Variants in PKNOX2 observed in about 807,000 individuals in gnomAD.
PKNOX2 encodes PBX/knotted 1 homeobox 2.
A neutral mutation model predicts 53.1 loss-of-function variants in PKNOX2; 14 were observed. That is an observed-to-expected ratio of 0.26 (90% CI 0.17 to 0.41). PKNOX2 has a LOEUF of 0.41. Among genes scored for constraint, PKNOX2 ranks in the 10% least tolerant of loss-of-function variants. The pLI is 1.00. For synonymous variants in PKNOX2, 257 were observed against 242.8 expected, an observed-to-expected ratio of 1.06 and a Z score of -0.54; for missense variants, 496 against 602.8, an observed-to-expected ratio of 0.82 and a Z score of 1.85.
chr11:125,193,778 C>T (rs560460807), intron 1 of PKNOX2, among the ~76,000 whole-genome samples: 54 of 152,186 alleles, frequency 3.5e-4, no homozygotes, highest in African/African-American at 7.7e-4. Context: ...AGAGGCAGCA[C>T]GGTTGGGGGC....
At chr11:125,409,194 C>T (rs1044549505) in intron 7 of PKNOX2, among the ~76,000 whole-genome samples, 6 of 152,202 alleles carry the variant, frequency 3.9e-5, no homozygotes, top group African/African-American at 1.4e-4. Context: ...TCCTTCCTCA[C>T]AAATTCTCTC....
chr11:125,430,236 C>T, intron 12 of PKNOX2, 95 bp downstream of exon 12: 1 of 1,394,064 alleles, frequency 7.2e-7, no homozygotes, highest in Non-Finnish European at 9.7e-7. Context: ...GGGCTATCTC[C>T]TTACCTGGGC....
intron 2 of PKNOX2, among the ~76,000 whole-genome samples, chr11:125,311,295 T>C (rs1948787386): frequency 1.3e-5 from 2 of 152,266 alleles, no homozygotes; most frequent in South Asian, 4.2e-4. Flanking sequence ...TCCTTAGAAA[T>C]AGCATTAGCA....
At chr11:125,373,064 A>G (rs1288069978) in intron 5 of PKNOX2, among the ~76,000 whole-genome samples, 1 of 152,216 alleles carries the variant, frequency 6.6e-6, no homozygotes, top group African/African-American at 2.4e-5. Context: ...AGTTCCCGGC[A>G]TGATCCTGAC....
chr11:125,368,792 T>C (rs1248798305), intron 5 of PKNOX2, among the ~76,000 whole-genome samples: 6 of 152,184 alleles, frequency 3.9e-5, no homozygotes, highest in East Asian at 1.9e-4. Flanking sequence ...GGGAGGAAGA[T>C]GCTGTCACCT....
At chr11:125,272,375 T>G (rs1450240728) in intron 2 of PKNOX2, among the ~76,000 whole-genome samples, 2 of 152,226 alleles carry the variant, frequency 1.3e-5, no homozygotes, top group Admixed American at 6.5e-5. Context: ...ACATATTATC[T>G]CATTTAATGC....
rs1942010067 is a variant in PKNOX2, at chr11:125,229,451, A to G, written c.-200-5594A>G. ...AGGAATCCAGATTTCTAAATGTGAA[A>G]TTTTGCAAGGTTTAGATGTTGGCAG... On this transcript the variant is annotated intron_variant, in intron 1 of 12. Coordinates refer to ENST00000298282, the MANE Select transcript of PKNOX2 (RefSeq NM_001382323.2). Among the ~76,000 whole-genome samples, 4 of 152,242 alleles carry G rather than the reference A, an allele frequency of 2.6e-5. No individual in the cohort carries two copies. In the South Asian group the frequency reaches 8.3e-4, roughly 32 times the overall value.
At chr11:125,207,933 ATATTGATT>A (rs1939337678) in intron 1 of PKNOX2, among the ~76,000 whole-genome samples, 1 of 152,082 alleles carries the variant, frequency 6.6e-6, no homozygotes, top group Non-Finnish European at 1.5e-5. Flanking sequence ...AATTCAACAA[ATATTGATT>A]GCATCACTAC....
At position 125,389,196 on chromosome 11, in the gene PKNOX2, A is replaced by AAAACAAACAAAC. The variant is rs71462898; in HGVS notation, c.399+3486_399+3497dup. ...GGCAGCAAAGTAAGACTCCATTTCA[A>AAAACAAACAAAC]AAACAAACAAACAAACAAACAAAAA... On this transcript the variant is annotated intron_variant, in intron 6 of 12. Transcript: ENST00000298282. 3.7e-3 allele frequency among the ~76,000 whole-genome samples: 553 copies of AAAACAAACAAAC among 151,476 alleles called. 2 individuals carry two copies. The highest frequency in any genetic ancestry group is 0.012 in the African/African-American group (510 of 41,076).
intron 5 of PKNOX2, among the ~76,000 whole-genome samples, 159 bp downstream of exon 5, chr11:125,368,144 C>A (rs541063664): frequency 6.6e-6 from 1 of 152,286 alleles, no homozygotes; most frequent in South Asian, 2.1e-4. Flanking sequence ...ATCCAGAAAC[C>A]CCTCAGCTGT....
At chr11:125,256,036 C>T (rs145331208) in intron 2 of PKNOX2, among the ~76,000 whole-genome samples, 2 of 152,108 alleles carry the variant, frequency 1.3e-5, no homozygotes, top group East Asian at 1.9e-4. Flanking sequence ...TGATGCTCCT[C>T]GGCCCTGAGT....
chr11:125,334,632 T>G (rs1950335791), intron 3 of PKNOX2, among the ~76,000 whole-genome samples: 1 of 149,652 alleles, frequency 6.7e-6, no homozygotes, highest in Admixed American at 6.7e-5. Context: ...AGGGTCTCAC[T>G]CTGTCACCCA....
At chr11:125,227,495 C>T (rs1327150749) in intron 1 of PKNOX2, among the ~76,000 whole-genome samples, 3 of 152,202 alleles carry the variant, frequency 2.0e-5, no homozygotes, top group South Asian at 2.1e-4. Flanking sequence ...TTGTGACTGG[C>T]TTATGTCACC....
chr11:125,360,193 A>G (rs1392042740), intron 4 of PKNOX2, among the ~76,000 whole-genome samples: 2 of 151,664 alleles, frequency 1.3e-5, no homozygotes, highest in Non-Finnish European at 2.9e-5. Context: ...CTGTGCTGAG[A>G]AGGTGAAGGC....
In PKNOX2 at chr11:125,177,943, T is replaced by TAGGA. The variant is rs1955823571; in HGVS notation, c.-201+13175_-201+13178dup. On this transcript the variant is annotated intron_variant, in intron 1 of 12. Coordinates refer to ENST00000298282, the MANE Select transcript of PKNOX2 (RefSeq NM_001382323.2). Reference sequence around the variant, plus strand: ...AGCAGAGAATCTTTGTAATAGGGAGTAGGAAGGAAGGGAGGGAGAGAGGGA... The same window carrying TAGGA: ...AGCAGAGAATCTTTGTAATAGGGAGTAGGAAGGAAGGAAGGGAGGGAGAGAGGGA... Among the ~76,000 whole-genome samples, 4 of 151,714 alleles carry TAGGA rather than the reference T, an allele frequency of 2.6e-5. No individual in the cohort carries two copies. The South Asian group carries it at 6.3e-4, about 24-fold the overall frequency.
At chr11:125,405,294 AT>A (rs760815362) in intron 7 of PKNOX2, among the ~76,000 whole-genome samples, 9 of 152,220 alleles carry the variant, frequency 5.9e-5, no homozygotes, top group Non-Finnish European at 1.0e-4. Context: ...CTTTTCTGTC[AT>A]TTATCTCCTT....
At chr11:125,289,684 C>T (rs1947178558) in intron 2 of PKNOX2, among the ~76,000 whole-genome samples, 1 of 152,062 alleles carries the variant, frequency 6.6e-6, no homozygotes, top group Admixed American at 6.5e-5. Context: ...AACAAAAAAC[C>T]AAATGTTACC....
intron 2 of PKNOX2, among the ~76,000 whole-genome samples, chr11:125,295,137 T>C (rs1268041989): frequency 6.6e-6 from 1 of 152,098 alleles, no homozygotes. Flanking sequence ...ATTTAATATA[T>C]ACACACACAT....
chr11:125,365,848 A>G (rs547638743), intron 4 of PKNOX2, among the ~76,000 whole-genome samples: 1 of 152,306 alleles, frequency 6.6e-6, no homozygotes, highest in African/African-American at 2.4e-5. Flanking sequence ...TGCAAGCTTA[A>G]TGGTCATGTC....
Sources: allele counts gnomAD v4.1 joint callset (sites outside exome capture counted in the v4.1 genomes callset), GRCh38; gene constraint gnomAD v4.1.1; transcripts MANE v1.5; gene names NCBI Gene and HGNC (gene_info 2026-07-23, HGNC 2026-07-21).